SCARA3: variants seen among roughly 807,000 people sequenced by gnomAD.
The protein encoded by SCARA3 is scavenger receptor class A member 3.
Under a neutral mutation model 47.0 loss-of-function variants are expected in SCARA3, and 39 were observed. The ratio of observed to expected loss-of-function variants is 0.83; its 90% CI spans 0.64 to 1.08. SCARA3 has a LOEUF of 1.08. SCARA3 is among the 50% of genes least tolerant of loss of function. The pLI is 0.00. For missense variants in SCARA3, 724 were observed against 792.3 expected (o/e 0.91, Z 1.04); for synonymous variants, 356 against 334.1 (o/e 1.07, Z -0.71).
chr8:27,715,857 G>GATAGATAGATAGATAC, the SCARA3 span, among the ~76,000 whole-genome samples: 1 of 107,208 alleles, frequency 9.3e-6, no homozygotes, highest in African/African-American at 3.8e-5. The surrounding 1 kb of genome is among the most constrained non-coding windows in gnomAD (Gnocchi z 4.2). Flanking sequence ...TAGATAGATA[G>GATAGATAGATAGATAC]ATAGATACAT....
the SCARA3 span, among the ~76,000 whole-genome samples, chr8:27,724,808 AT>A: frequency 1.3e-4 from 20 of 152,330 alleles, no homozygotes; most frequent in Admixed American, 3.9e-4. Context: ...TAGAAGGAAT[AT>A]TTACAAACAT....
At chr8:27,724,336 A>T in the SCARA3 span, among the ~76,000 whole-genome samples, 1 of 152,210 alleles carries the variant, frequency 6.6e-6, no homozygotes, top group East Asian at 1.9e-4. Flanking sequence ...AGGAGAATAT[A>T]GTCCAGATTA....
At chr8:27,650,493 G>A (rs1801608800) in intron 2 of SCARA3, among the ~76,000 whole-genome samples, 1 of 152,200 alleles carries the variant, frequency 6.6e-6, no homozygotes, top group Non-Finnish European at 1.5e-5. Context: ...TTGGTGTAGA[G>A]TAGAGCAGTT....
chr8:27,671,493 G>C lies in SCARA3; in HGVS notation c.*142G>C, dbSNP rs1349147383. On this transcript the variant is annotated 3_prime_UTR_variant, in exon 6 of 6. Coordinates refer to ENST00000301904, the MANE Select transcript of SCARA3 (RefSeq NM_016240.3). Reference sequence around the variant, plus strand: ...TCCCCAGGGCTGACCCTGCAGCTTTGGGCTCCCCCATAGTGACTGTGCCAT... The same window carrying C: ...TCCCCAGGGCTGACCCTGCAGCTTTCGGCTCCCCCATAGTGACTGTGCCAT... 7.7e-7 allele frequency: 1 copy of C among 1,302,006 alleles called. No homozygotes were observed. Among genetic ancestry groups the C allele is most frequent in the Non-Finnish European group, 9.7e-7 (1 of 1,030,778 alleles). The allele number at this position is 1,302,006 out of a possible 1,614,324, so 80.7% of individuals were successfully genotyped here. A position where few individuals can be genotyped will look rare whatever the true frequency, so the allele number is the denominator to read the frequency against.
chr8:27,734,108 T>G, the SCARA3 span: 1 of 152,260 alleles, frequency 6.6e-6, no homozygotes, highest in Non-Finnish European at 1.5e-5. Context: ...TGTCAGTGCC[T>G]TTCAATAAAC....
the SCARA3 span, among the ~76,000 whole-genome samples, chr8:27,708,976 C>T: frequency 6.6e-6 from 1 of 152,128 alleles, no homozygotes; most frequent in Non-Finnish European, 1.5e-5. Context: ...CGGGGAAAGG[C>T]AAGTTGCTGA....
chr8:27,660,532 G>GAGATAGAAAGAT (rs377328689), intron 5 of SCARA3, among the ~76,000 whole-genome samples: 2 of 147,580 alleles, frequency 1.4e-5, no homozygotes, highest in African/African-American at 5.1e-5. Context: ...AGATAGAGAT[G>GAGATAGAAAGAT]AGATAGATAG....
chr8:27,661,522 G>A (rs369075499), intron 5 of SCARA3, among the ~76,000 whole-genome samples: 133 of 151,964 alleles, frequency 8.8e-4, no homozygotes, highest in African/African-American at 2.8e-3. Flanking sequence ...AAAATTGTTG[G>A]CTATACACAC....
At chr8:27,712,766 C>T in the SCARA3 span, among the ~76,000 whole-genome samples, 1 of 151,870 alleles carries the variant, frequency 6.6e-6, no homozygotes, top group African/African-American at 2.4e-5. Flanking sequence ...TCTGTGTAGA[C>T]GTAAGTTTTT....
At chr8:27,698,783 G>C in the SCARA3 span, among the ~76,000 whole-genome samples, 1 of 151,938 alleles carries the variant, frequency 6.6e-6, no homozygotes, top group African/African-American at 2.4e-5. Flanking sequence ...AAAATATATA[G>C]GAATGAATTT....
the SCARA3 span, among the ~76,000 whole-genome samples, chr8:27,686,532 A>G: frequency 6.6e-6 from 1 of 152,096 alleles, no homozygotes; most frequent in East Asian, 1.9e-4. Context: ...AGTAAGAAAC[A>G]AGGAGGACAC....
At chr8:27,700,450 T>C in the SCARA3 span, among the ~76,000 whole-genome samples, 1 of 151,894 alleles carries the variant, frequency 6.6e-6, no homozygotes, top group Non-Finnish European at 1.5e-5. Context: ...CTACTAAAAA[T>C]ACAAAAATTA....
In SCARA3 at chr8:27,642,112, C is replaced by T. The variant is rs137993876; in HGVS notation, c.8-7590C>T. On this transcript the variant is annotated intron_variant, in intron 1 of 5. Coordinates refer to ENST00000301904, the MANE Select transcript of SCARA3 (RefSeq NM_016240.3). ...ATGTGAATGTGAATCTCTAAGATGGCGATAGAGTATGCCATGTTTTCCACA... is the reference window on the plus strand; with the variant it reads ...ATGTGAATGTGAATCTCTAAGATGGTGATAGAGTATGCCATGTTTTCCACA... Among the ~76,000 whole-genome samples, 467 of 152,192 alleles carry T rather than the reference C, an allele frequency of 3.1e-3. 7 individuals are homozygous for T. The highest frequency in any genetic ancestry group is 0.023 in the East Asian group (121 of 5,180).
intron 1 of SCARA3, among the ~76,000 whole-genome samples, chr8:27,638,573 A>G (rs1254090467): frequency 2.0e-5 from 3 of 152,306 alleles, no homozygotes; most frequent in East Asian, 3.9e-4. Flanking sequence ...GTACTGTACC[A>G]TGGTATCGTC....
chr8:27,730,421 C>T, the SCARA3 span, among the ~76,000 whole-genome samples: 1 of 152,040 alleles, frequency 6.6e-6, no homozygotes, highest in East Asian at 1.9e-4. Flanking sequence ...CCACTGCTTC[C>T]GCCAGGCCTA....
chr8:27,725,791 C>T, the SCARA3 span, among the ~76,000 whole-genome samples: 2 of 152,146 alleles, frequency 1.3e-5, no homozygotes, highest in Non-Finnish European at 2.9e-5. Flanking sequence ...CATGGGATGT[C>T]AGAAGCCATC....
In SCARA3 at chr8:27,636,942, G is replaced by A. The variant is rs200760014; in HGVS notation, c.7+2735G>A. 3.9e-5 allele frequency among the ~76,000 whole-genome samples: 6 copies of A among 152,316 alleles called. No individual in the cohort carries two copies. In the East Asian group the frequency reaches 1.2e-3, roughly 29 times the overall value. ...CTCGAGTGGAAAAAGTAAAGTGCCCGGCAGAGTAGGGCAGGCAGCCCCTTC... is the reference window on the plus strand; with the variant it reads ...CTCGAGTGGAAAAAGTAAAGTGCCCAGCAGAGTAGGGCAGGCAGCCCCTTC... On this transcript the variant is annotated intron_variant, in intron 1 of 5. Coordinates refer to ENST00000301904, the MANE Select transcript of SCARA3 (RefSeq NM_016240.3).
chr8:27,645,429 C>T (rs1236686751), intron 1 of SCARA3, among the ~76,000 whole-genome samples: 1 of 152,238 alleles, frequency 6.6e-6, no homozygotes, highest in Non-Finnish European at 1.5e-5. Flanking sequence ...AGGAGCGTGA[C>T]CTGTCAACAG....
At chr8:27,666,965 C>T (rs532419917) in intron 5 of SCARA3, among the ~76,000 whole-genome samples, 31 of 152,216 alleles carry the variant, frequency 2.0e-4, no homozygotes, top group Non-Finnish European at 4.6e-4. Context: ...CCCCCCTCCA[C>T]CGGACTCCAG....
Sources: allele counts gnomAD v4.1 joint callset (sites outside exome capture counted in the v4.1 genomes callset), GRCh38; gene constraint gnomAD v4.1.1; non-coding constraint Gnocchi (gnomAD v3.1); transcripts MANE v1.5; gene names NCBI Gene and HGNC (gene_info 2026-07-23, HGNC 2026-07-21).